AGMO: variants seen among roughly 807,000 people sequenced by gnomAD.
The protein encoded by AGMO is glyceryl-ether monooxygenase.
In AGMO, 75 loss-of-function variants were observed where a neutral mutation model predicts 60.2. The observed-to-expected ratio is 1.25, with a 90% CI of 1.03 to 1.51. AGMO has a LOEUF of 1.51. AGMO is among the 40% of genes most tolerant of loss of function. The pLI is 0.00. For missense variants in AGMO, 763 were observed against 525.5 expected (o/e 1.45, Z -4.42); for synonymous variants, 261 against 177.1 (o/e 1.47, Z -3.76).
chr7:15,257,384 G>C (rs1263478668), intron 12 of AGMO, among the ~76,000 whole-genome samples: 1 of 151,898 alleles, frequency 6.6e-6, no homozygotes. Context: ...ATAAAATTTT[G>C]GATTACTTTA....
intron 12 of AGMO, among the ~76,000 whole-genome samples, chr7:15,223,990 C>G (rs1781999422): frequency 6.6e-6 from 1 of 151,902 alleles, no homozygotes; most frequent in South Asian, 2.1e-4. Context: ...ATTTAAAATT[C>G]TATTATGATG....
At chr7:15,131,461 T>C in the AGMO span, among the ~76,000 whole-genome samples, 1 of 152,224 alleles carries the variant, frequency 6.6e-6, no homozygotes, top group Middle Eastern at 3.4e-3. Flanking sequence ...TTGACTCTTG[T>C]TAGTGACAGG....
At chr7:15,156,385 C>G in the AGMO span, among the ~76,000 whole-genome samples, 2 of 152,184 alleles carry the variant, frequency 1.3e-5, no homozygotes, top group South Asian at 4.1e-4. Flanking sequence ...ATCAGACTGG[C>G]CCCCTCCCAC....
chr7:15,190,489 G>C, the AGMO span, among the ~76,000 whole-genome samples: 4 of 151,916 alleles, frequency 2.6e-5, no homozygotes, highest in African/African-American at 7.2e-5. Context: ...GGAAGTAACA[G>C]AATAAAATAT....
intron 12 of AGMO, among the ~76,000 whole-genome samples, chr7:15,308,585 A>C (rs1780680590): frequency 1.3e-5 from 2 of 152,102 alleles, no homozygotes; most frequent in African/African-American, 4.8e-5. Context: ...AAGCTTTCTA[A>C]AAACAAGATT....
intron 9 of AGMO, among the ~76,000 whole-genome samples, chr7:15,386,552 T>C (rs1783922431): frequency 6.6e-6 from 1 of 152,194 alleles, no homozygotes; most frequent in Non-Finnish European, 1.5e-5. Context: ...TAAACGGAAG[T>C]GGGAAACTTA....
At chr7:15,267,001 C>T (rs1460118415) in intron 12 of AGMO, among the ~76,000 whole-genome samples, 1 of 151,876 alleles carries the variant, frequency 6.6e-6, no homozygotes, top group African/African-American at 2.4e-5. Flanking sequence ...GCCAAAATGG[C>T]CACTTAGTGG....
chr7:15,335,488 A>C (rs912616009), intron 12 of AGMO, among the ~76,000 whole-genome samples: 1 of 152,146 alleles, frequency 6.6e-6, no homozygotes, highest in Non-Finnish European at 1.5e-5. Context: ...ATTTGGCTTC[A>C]GTGATTTTAT....
chr7:15,461,372 G>A (rs555672093), intron 3 of AGMO, among the ~76,000 whole-genome samples: 2 of 151,048 alleles, frequency 1.3e-5, no homozygotes, highest in South Asian at 4.2e-4. Context: ...TAGAGAAACA[G>A]CACCCTTAAT....
rs1781268957 is a variant in AGMO at position 15,201,174 on chromosome 7, T to C, written c.*111A>G. 2 of 594,836 alleles carry C rather than the reference T, an allele frequency of 3.4e-6. No homozygotes were observed. Among genetic ancestry groups the C allele is most frequent in the Non-Finnish European group, 2.7e-6 (1 of 370,106 alleles). 36.8% of individuals were successfully genotyped at this position (594,836 alleles called of 1,614,324 possible). ...AGTAAATAAGTAATTTTACTTTTCATTGAAGAAATAGTTCATATAAGCATT... is the reference window on the plus strand; with the variant it reads ...AGTAAATAAGTAATTTTACTTTTCACTGAAGAAATAGTTCATATAAGCATT... On this transcript the variant is annotated 3_prime_UTR_variant, in exon 13 of 13. Coordinates refer to ENST00000342526, the MANE Select transcript of AGMO (RefSeq NM_001004320.2).
chr7:15,354,482 GTATATACACACGTGTATATATATATA>G (rs1782431781), intron 12 of AGMO, among the ~76,000 whole-genome samples: 7 of 14,122 alleles, frequency 5.0e-4, no homozygotes, highest in South Asian at 3.7e-3. Flanking sequence ...ACACACGTGT[GTATATACACACGTGTATATATATATA>G]TATATATATA....
chr7:15,439,555 T>A (rs1781493332), intron 3 of AGMO, among the ~76,000 whole-genome samples: 1 of 152,180 alleles, frequency 6.6e-6, no homozygotes, highest in African/African-American at 2.4e-5. Flanking sequence ...ACAGGGCTCA[T>A]ATCTTATCAG....
chr7:15,274,213 G>C (rs141347673), intron 12 of AGMO, among the ~76,000 whole-genome samples: 1,948 of 152,224 alleles, frequency 0.013, 41 homozygotes, highest in African/African-American at 0.045. Context: ...TTTTCAAAGG[G>C]AATGTTTCCA....
chr7:15,135,979 C>CTTTTTTTTTTTTTTTTTTTTTTT, the AGMO span, among the ~76,000 whole-genome samples: 190 of 106,792 alleles, frequency 1.8e-3, no homozygotes, highest in Non-Finnish European at 2.3e-3. Flanking sequence ...TTTTTCTTTT[C>CTTTTTTTTTTTTTTTTTTTTTTT]TTTTTTTTTT....
chr7:15,480,111 TA>T (rs150228228), intron 3 of AGMO, among the ~76,000 whole-genome samples: 4,130 of 152,234 alleles, frequency 0.027, 88 homozygotes, highest in Non-Finnish European at 0.043. Flanking sequence ...GAGCCTGAAA[TA>T]AAAGGCATAG....
intron 12 of AGMO, among the ~76,000 whole-genome samples, chr7:15,351,517 A>G (rs1456202423): frequency 1.3e-5 from 2 of 152,190 alleles, no homozygotes; most frequent in Non-Finnish European, 2.9e-5. Flanking sequence ...TTTAGCCAGC[A>G]GAAGAAAAAA....
intron 3 of AGMO, among the ~76,000 whole-genome samples, chr7:15,436,930 A>C (rs944615596): frequency 6.6e-6 from 1 of 152,176 alleles, no homozygotes; most frequent in African/African-American, 2.4e-5. Context: ...AGATATCTAA[A>C]TATAAAATAT....
chr7:15,188,819 G>A, the AGMO span, among the ~76,000 whole-genome samples: 2 of 152,194 alleles, frequency 1.3e-5, no homozygotes, highest in Non-Finnish European at 2.9e-5. Flanking sequence ...TAATGGCCAT[G>A]AACTGATCGT....
At chr7:15,413,398 A>G (rs1404170468) in intron 5 of AGMO, among the ~76,000 whole-genome samples, 2 of 152,172 alleles carry the variant, frequency 1.3e-5, no homozygotes, top group Non-Finnish European at 2.9e-5. Context: ...GTAGAAAGAG[A>G]AAAGGACAGA....
Sources: allele counts gnomAD v4.1 joint callset (sites outside exome capture counted in the v4.1 genomes callset), GRCh38; gene constraint gnomAD v4.1.1; transcripts MANE v1.5; gene names NCBI Gene and HGNC (gene_info 2026-07-23, HGNC 2026-07-21).